The following FBRSL1 variants were observed in gnomAD, a reference collection of about 807,000 sequenced individuals.
FBRSL1 encodes the protein fibrosin like 1, also known as fibrosin-1-like protein.
Under a neutral mutation model 89.6 loss-of-function variants are expected in FBRSL1, and 51 were observed. The ratio of observed to expected loss-of-function variants is 0.57; its 90% CI spans 0.45 to 0.72. The LOEUF (loss-of-function observed/expected upper bound fraction) is 0.72, where lower values mean the gene tolerates loss of function less well. Among genes scored for constraint, FBRSL1 ranks in the 30% least tolerant of loss-of-function variants. The pLI is 0.00. For synonymous variants in FBRSL1, 779 were observed against 681.1 expected, an observed-to-expected ratio of 1.14 and a Z score of -2.24; for missense variants, 1,618 against 1,451.8, an observed-to-expected ratio of 1.11 and a Z score of -1.86.
chr12:132,495,130 A>G (rs2031784519), intron 1 of FBRSL1, among the ~76,000 whole-genome samples: 1 of 152,074 alleles, frequency 6.6e-6, no homozygotes, highest in South Asian at 2.1e-4. Context: ...GGGGAATGTG[A>G]GGGTGTGAGG....
chr12:132,562,584 C>T (rs78677593), intron 5 of FBRSL1, among the ~76,000 whole-genome samples: 13,446 of 152,136 alleles, frequency 0.088, 1,176 homozygotes, highest in African/African-American at 0.23. Flanking sequence ...CCGGGGACCG[C>T]ACAGGGTGAG....
rs2032639393 is a variant in FBRSL1 at position 132,499,637 on chromosome 12, CAT to C, written c.292-8515_292-8514del. On this transcript the variant is annotated intron_variant, in intron 1 of 18. Transcript: ENST00000680143. This position sits in a 1 kb window ranked among gnomAD's most constrained non-coding sequence, Gnocchi z 4.3. ...TCCCGAGAGCCCGTCAGGAAGGGCA[CAT>C]GTAGCAGGTGGTACAGGTTTGGGGT... is the stretch of plus-strand genomic sequence containing the variant. Among the ~76,000 whole-genome samples the C allele has an allele frequency of 6.6e-6, 1 of 151,390 alleles. No homozygotes were observed. The highest frequency in any genetic ancestry group is 6.6e-5 in the Admixed American group (1 of 15,226).
At chr12:132,519,945 G>A (rs2035198345) in intron 2 of FBRSL1, among the ~76,000 whole-genome samples, 1 of 149,944 alleles carries the variant, frequency 6.7e-6, no homozygotes, top group South Asian at 2.1e-4. Context: ...TCTGAGGGTT[G>A]TAGGTTGAGT....
intron 5 of FBRSL1, among the ~76,000 whole-genome samples, chr12:132,548,710 C>T (rs888949041): frequency 9.2e-5 from 14 of 152,170 alleles, no homozygotes; most frequent in African/African-American, 3.1e-4. Flanking sequence ...AGGCAGGTGG[C>T]GTGAGGTCCC....
intron 5 of FBRSL1, among the ~76,000 whole-genome samples, chr12:132,564,415 T>C (rs1390946118): frequency 9.8e-6 from 1 of 102,344 alleles, no homozygotes; most frequent in Non-Finnish European, 1.9e-5. Flanking sequence ...GGACAGCAGG[T>C]CTCTTCCCAG....
At chr12:132,576,482 C>T (rs536017839) in intron 14 of FBRSL1, among the ~76,000 whole-genome samples, 15 of 152,268 alleles carry the variant, frequency 9.9e-5, no homozygotes, top group Non-Finnish European at 1.9e-4. Flanking sequence ...CGTGAGCCAC[C>T]GTGCCTGGCC....
chr12:132,573,118 C>T (rs955062447), intron 11 of FBRSL1, among the ~76,000 whole-genome samples: 2 of 152,202 alleles, frequency 1.3e-5, no homozygotes, highest in East Asian at 1.9e-4. Context: ...GAGGGAACCC[C>T]GTGACCCTCC....
Position 132,584,051 on chromosome 12 carries a change from T to G in FBRSL1, c.*273T>G, listed in dbSNP as rs996443153. On this transcript the variant is annotated 3_prime_UTR_variant, in exon 19 of 19. Coordinates refer to ENST00000680143, the MANE Select transcript of FBRSL1 (RefSeq NM_001367871.1). Reference sequence around the variant, plus strand: ...GTAATGGATTTGTATTTTTCTTAATTTTATGCTCTTTAGACGTTTAAAAGA... The same window carrying G: ...GTAATGGATTTGTATTTTTCTTAATGTTATGCTCTTTAGACGTTTAAAAGA... The G allele has an allele frequency of 1.1e-5, 2 of 185,114 alleles. No homozygotes were observed. Among genetic ancestry groups the G allele is most frequent in the African/African-American group, 4.7e-5 (2 of 42,446 alleles). 11.5% of individuals were successfully genotyped at this position (185,114 alleles called of 1,614,324 possible).
intron 5 of FBRSL1, among the ~76,000 whole-genome samples, chr12:132,562,979 GCCACACCTGGCCCCCACAGCCTGCACC>G (rs1465882855): frequency 0.21 from 30,941 of 145,648 alleles, 7,235 homozygotes; most frequent in East Asian, 0.52. Flanking sequence ...AAGGACCTAC[GCCACACCTGGCCCCCACAGCCTGCACC>G]CCACACCTGG....
At chr12:132,571,947 A>G in intron 9 of FBRSL1, 1 of 394,088 alleles carries the variant, frequency 2.5e-6, no homozygotes, top group Non-Finnish European at 4.5e-6. Context: ...TTTATTCGGA[A>G]ACTGGCCAGT....
intron 11 of FBRSL1, among the ~76,000 whole-genome samples, 165 bp from the exon 12 acceptor site, chr12:132,573,925 T>C (rs1407196585): frequency 2.6e-5 from 4 of 152,016 alleles, no homozygotes; most frequent in African/African-American, 4.8e-5. Flanking sequence ...GGGCCAAAAG[T>C]GTGGTGGTCC....
In FBRSL1 at chr12:132,548,019, G is replaced by C. The variant is rs763212277; in HGVS notation, c.632G>C (p.Gly211Ala). 6.5e-7 allele frequency: 1 copy of C among 1,550,076 alleles called. No homozygotes were observed. The highest frequency in any genetic ancestry group is 8.7e-7 in the Non-Finnish European group (1 of 1,146,662). ...TCCCTGCAGTGTGACAGCGAGAGCG[G>C]CCCGGACGACAAGGTAAGCCCAGCG... ...GRGYSCDSESGPDDKASVGSE... is the reference protein window; with the variant it reads ...GRGYSCDSESAPDDKASVGSE... Residue 211 changes from glycine (G) to alanine (A), a missense_variant, in exon 5 of 19, where the codon GGC becomes GCC. By Grantham distance (60) the Gly-to-Ala change is moderately conservative (BLOSUM62 0). Coordinates refer to ENST00000680143, the MANE Select transcript of FBRSL1 (RefSeq NM_001367871.1).
rs968417134 is a variant in FBRSL1, at chr12:132,533,219, C to T, written c.615+5231C>T. ...GAGTCAGAGAGCCACAGTCTCCTCC[C>T]GACCCAGCCACAGTCTCCTCCCGAC... On this transcript the variant is annotated intron_variant, in intron 4 of 18. Coordinates refer to ENST00000680143, the MANE Select transcript of FBRSL1 (RefSeq NM_001367871.1). 3.3e-4 allele frequency among the ~76,000 whole-genome samples: 49 copies of T among 148,282 alleles called. 1 individual carries two copies. The highest frequency in any genetic ancestry group is 5.7e-4 in the Non-Finnish European group (38 of 67,030).
intron 2 of FBRSL1, among the ~76,000 whole-genome samples, chr12:132,514,460 A>C (rs970247335): frequency 1.3e-5 from 2 of 152,234 alleles, no homozygotes; most frequent in African/African-American, 4.8e-5. Flanking sequence ...GCCACCGGCC[A>C]TCCTCCTCCG....
At chr12:132,504,286 C>T (rs78469429) in intron 1 of FBRSL1, among the ~76,000 whole-genome samples, 2,305 of 152,306 alleles carry the variant, frequency 0.015, 70 homozygotes, top group African/African-American at 0.051. Flanking sequence ...ATTATTTTAT[C>T]TCTCCGTGTC....
chr12:132,492,338 C>T (rs2031169777), intron 1 of FBRSL1, among the ~76,000 whole-genome samples: 4 of 152,182 alleles, frequency 2.6e-5, no homozygotes, highest in Admixed American at 6.5e-5. Flanking sequence ...GTGCCCCCCA[C>T]CCCCGTCGAC....
intron 5 of FBRSL1, among the ~76,000 whole-genome samples, chr12:132,564,100 G>A (rs1055532432): frequency 6.6e-6 from 1 of 152,238 alleles, no homozygotes; most frequent in East Asian, 1.9e-4. Context: ...GGCTCACAGA[G>A]CGCGTGCCGA....
intron 11 of FBRSL1, 107 bp downstream of exon 11, chr12:132,572,729 C>T (rs991412917): frequency 1.6e-5 from 13 of 793,052 alleles, no homozygotes; most frequent in Non-Finnish European, 2.5e-5. Context: ...CCCCCTTTCC[C>T]TCCCTTGTAC....
intron 15 of FBRSL1, among the ~76,000 whole-genome samples, chr12:132,577,872 C>G (rs989132118): frequency 6.6e-6 from 1 of 152,232 alleles, no homozygotes; most frequent in South Asian, 2.1e-4. Context: ...AAGATGGTGT[C>G]TCAGCCTGCA....
Sources: gnomAD v4.1 joint callset for allele counts (sites outside exome capture counted in the v4.1 genomes callset) on GRCh38, gnomAD v4.1.1 for gene constraint, Gnocchi (gnomAD v3.1) non-coding constraint, MANE v1.5 for transcripts, NCBI Gene and HGNC (gene_info 2026-07-23, HGNC 2026-07-21) for gene names.